The following GNB4 variants were observed in gnomAD, a reference collection of about 807,000 sequenced individuals.
GNB4 encodes G protein subunit beta 4.
A neutral mutation model predicts 45.2 loss-of-function variants in GNB4; 28 were observed. That is an observed-to-expected ratio of 0.62 (90% CI 0.46 to 0.85). GNB4 has a LOEUF of 0.85. Among genes scored for constraint, GNB4 ranks in the 40% least tolerant of loss-of-function variants. The pLI is 0.00. For synonymous variants in GNB4, 132 were observed against 143.7 expected (o/e 0.92, Z 0.58); for missense variants, 321 against 425.4 (o/e 0.75, Z 2.16).
the GNB4 span, among the ~76,000 whole-genome samples, chr3:179,509,459 G>T: frequency 6.6e-6 from 1 of 152,074 alleles, no homozygotes; most frequent in Non-Finnish European, 1.5e-5. Flanking sequence ...GCTTCTGAGC[G>T]CCAAACCCGA....
intron 9 of GNB4, among the ~76,000 whole-genome samples, chr3:179,403,311 A>C (rs1322814187): frequency 1.3e-5 from 2 of 152,070 alleles, no homozygotes; most frequent in East Asian, 1.9e-4. Flanking sequence ...AAGAAAAAAA[A>C]AACTTGGAAA....
At chr3:179,471,932 A>G in the GNB4 span, among the ~76,000 whole-genome samples, 1 of 152,236 alleles carries the variant, frequency 6.6e-6, no homozygotes, top group Non-Finnish European at 1.5e-5. Context: ...GATCCTAAAG[A>G]TGCACACAAT....
At chr3:179,494,634 G>A in the GNB4 span, among the ~76,000 whole-genome samples, 50 of 151,992 alleles carry the variant, frequency 3.3e-4, no homozygotes, top group African/African-American at 1.1e-3. Context: ...AAGGGGCCAG[G>A]CGCAGTGGCT....
chr3:179,491,457 G>A, the GNB4 span, among the ~76,000 whole-genome samples: 1 of 152,140 alleles, frequency 6.6e-6, no homozygotes, highest in African/African-American at 2.4e-5. Context: ...AGTAGAGAAG[G>A]CTTAGGGTAG....
At chr3:179,473,726 G>T in the GNB4 span, among the ~76,000 whole-genome samples, 1 of 152,120 alleles carries the variant, frequency 6.6e-6, no homozygotes, top group Admixed American at 6.5e-5. Flanking sequence ...CTAACTTCCC[G>T]TAGTTTACCC....
chr3:179,506,661 A>G, the GNB4 span, among the ~76,000 whole-genome samples: 572 of 152,326 alleles, frequency 3.8e-3, 5 homozygotes, highest in African/African-American at 0.013. Flanking sequence ...GAATTCATTC[A>G]CACTGAAGCA....
chr3:179,523,643 A>T, the GNB4 span, among the ~76,000 whole-genome samples: 1 of 152,166 alleles, frequency 6.6e-6, no homozygotes, highest in Non-Finnish European at 1.5e-5. Flanking sequence ...AATGAGTTTT[A>T]ATCCTTGTAA....
intron 1 of GNB4, among the ~76,000 whole-genome samples, chr3:179,430,368 G>A (rs1486160573): frequency 6.6e-6 from 1 of 152,004 alleles, no homozygotes; most frequent in Non-Finnish European, 1.5e-5. Flanking sequence ...GGGATTATAG[G>A]CATAAGTCAC....
the GNB4 span, among the ~76,000 whole-genome samples, chr3:179,487,639 C>A: frequency 1.4e-4 from 21 of 152,170 alleles, no homozygotes; most frequent in Non-Finnish European, 2.8e-4. Flanking sequence ...TAAACATGCA[C>A]TCCTATACTT....
At chr3:179,482,832 T>C in the GNB4 span, among the ~76,000 whole-genome samples, 1 of 152,232 alleles carries the variant, frequency 6.6e-6, no homozygotes, top group Non-Finnish European at 1.5e-5. Flanking sequence ...TTTTTTGGTA[T>C]GACTTTTCTG....
chr3:179,517,694 C>T, the GNB4 span, among the ~76,000 whole-genome samples: 1 of 151,666 alleles, frequency 6.6e-6, no homozygotes, highest in Non-Finnish European at 1.5e-5. Flanking sequence ...TTTCTCCTTT[C>T]AATCTTGGTG....
At chr3:179,445,974 T>C (rs375230502) in intron 1 of GNB4, among the ~76,000 whole-genome samples, 11 of 152,390 alleles carry the variant, frequency 7.2e-5, no homozygotes, top group East Asian at 5.8e-4. Flanking sequence ...AGAAACTTTA[T>C]ATTATTTCAG....
intron 5 of GNB4, among the ~76,000 whole-genome samples, chr3:179,415,744 A>C (rs1215056483): frequency 6.6e-6 from 1 of 152,158 alleles, no homozygotes; most frequent in African/African-American, 2.4e-5. Context: ...CGCTTAAAAT[A>C]CATTTTTTTT....
intron 1 of GNB4, among the ~76,000 whole-genome samples, chr3:179,442,382 T>C (rs997748124): frequency 2.0e-5 from 3 of 152,202 alleles, no homozygotes; most frequent in Admixed American, 6.5e-5. Context: ...CTCTGTAAAA[T>C]AGCAGGGCAT....
At chr3:179,451,296 C>T (rs1174567968) in intron 1 of GNB4, 50 bp downstream of exon 1, 1 of 151,442 alleles carries the variant, frequency 6.6e-6, no homozygotes, top group African/African-American at 2.4e-5. Flanking sequence ...AGCCCGGGAT[C>T]GCTTCGCGGG....
chr3:179,491,081 AT>A, the GNB4 span, among the ~76,000 whole-genome samples: 1 of 152,242 alleles, frequency 6.6e-6, no homozygotes. Flanking sequence ...TATTATAAAA[AT>A]TCTCTAAGAA....
At chr3:179,468,293 C>T in the GNB4 span, among the ~76,000 whole-genome samples, 1 of 151,192 alleles carries the variant, frequency 6.6e-6, no homozygotes, top group African/African-American at 2.4e-5. Context: ...GTCAGGAGTT[C>T]GAGACCATCC....
At chr3:179,456,940 T>G in the GNB4 span, among the ~76,000 whole-genome samples, 1 of 152,336 alleles carries the variant, frequency 6.6e-6, no homozygotes, top group African/African-American at 2.4e-5. Context: ...CAAATAGTTT[T>G]CTGATGGAAA....
chr3:179,521,790 G>T, the GNB4 span, among the ~76,000 whole-genome samples: 5 of 151,610 alleles, frequency 3.3e-5, no homozygotes, highest in Non-Finnish European at 7.4e-5. Context: ...TTTTCTCTTT[G>T]TCTCATTCCA....
Sources: gnomAD v4.1 joint callset for allele counts (sites outside exome capture counted in the v4.1 genomes callset) on GRCh38, gnomAD v4.1.1 for gene constraint, MANE v1.5 for transcripts, NCBI Gene and HGNC (gene_info 2026-07-23, HGNC 2026-07-21) for gene names.